The following NBEA variants were observed in gnomAD, a reference collection of about 807,000 sequenced individuals.
NBEA encodes the protein lysosomal-trafficking regulator 2.
Under a neutral mutation model 343.4 loss-of-function variants are expected in NBEA, and 44 were observed. The observed-to-expected ratio is 0.13, with a 90% confidence interval of 0.10 to 0.16. The LOEUF is 0.16. NBEA is among the 10% of genes least tolerant of loss of function. The pLI is 1.00. For missense variants in NBEA, 2,555 were observed against 3,631.3 expected, an observed-to-expected ratio of 0.70 and a Z score of 7.62; for synonymous variants, 1,175 against 1,238.7, an observed-to-expected ratio of 0.95 and a Z score of 1.08.
intron 39 of NBEA, among the ~76,000 whole-genome samples, chr13:35,441,353 T>C (rs1002702866): frequency 6.6e-6 from 1 of 152,224 alleles, no homozygotes; most frequent in African/African-American, 2.4e-5. Flanking sequence ...AAATTCTCCA[T>C]TGAAAATTCT....
rs1171545367 is a variant in NBEA at position 34,986,194 on chromosome 13, A to G, written c.294+43080A>G. On this transcript the variant is annotated intron_variant, in intron 1 of 58. Coordinates refer to ENST00000379939, the MANE Select transcript of NBEA (RefSeq NM_001385012.1). Reference sequence around the variant, plus strand: ...TTTAGTGCTATAAATTTCCCTCTACACACTGCTTTAAATGTGCCACTGAGA... The same window carrying G: ...TTTAGTGCTATAAATTTCCCTCTACGCACTGCTTTAAATGTGCCACTGAGA... 7.7e-4 allele frequency among the ~76,000 whole-genome samples: 113 copies of G among 147,526 alleles called. 5 individuals carry two copies. Among genetic ancestry groups the G allele is most frequent in the Admixed American group, 7.5e-3 (113 of 14,970 alleles).
Position 35,476,256 on chromosome 13 carries a change from G to A in NBEA, c.6585+3720G>A, listed in dbSNP as rs373340732. Reference sequence around the variant, plus strand: ...AAACGGGCCGCAACACTCAGAAATGGATCAAAAATGCCTTTCGGAAGTGCT... The same window carrying A: ...AAACGGGCCGCAACACTCAGAAATGAATCAAAAATGCCTTTCGGAAGTGCT... On this transcript the variant is annotated intron_variant, in intron 41 of 58. Coordinates refer to ENST00000379939, the MANE Select transcript of NBEA (RefSeq NM_001385012.1). 3.7e-5 allele frequency: 56 copies of A among 1,514,316 alleles called. 1 individual carries two copies. In the Middle Eastern group the frequency reaches 9.4e-4, roughly 25 times the overall value. 93.8% of individuals were successfully genotyped at this position (1,514,316 alleles called of 1,614,324 possible).
intron 11 of NBEA, among the ~76,000 whole-genome samples, chr13:35,103,072 T>G (rs1356229604): frequency 6.6e-6 from 1 of 151,832 alleles, no homozygotes; most frequent in Non-Finnish European, 1.5e-5. Flanking sequence ...AGAGTTTTCT[T>G]TATTATAAAC....
At position 35,110,966 on chromosome 13, in the gene NBEA, C is replaced by T; in HGVS notation, c.1990C>T (p.Pro664Ser). The T allele has an allele frequency of 6.2e-7, 1 of 1,607,896 alleles. No homozygotes were observed. The highest frequency in any genetic ancestry group is 8.5e-7 in the Non-Finnish European group (1 of 1,175,678). The change falls in exon 13 of 59, where the codon CCT becomes TCT. Residue 664 changes from proline to serine, a missense_variant. Physicochemically the swap from Pro to Ser is moderately conservative, Grantham distance 74 (BLOSUM62 -1). Coordinates refer to ENST00000379939, the MANE Select transcript of NBEA (RefSeq NM_001385012.1). Reference sequence around the variant, plus strand: ...TCCTGCTGACAGTAGTGGCATTACACCTAAAGGATTAGGTATGTATACCAC... The same window carrying T: ...TCCTGCTGACAGTAGTGGCATTACATCTAAAGGATTAGGTATGTATACCAC... ...INPADSSGIT[P>S]KGLDGPRPSQ...
At chr13:35,608,190 C>G (rs894397999) in intron 48 of NBEA, among the ~76,000 whole-genome samples, 6 of 151,794 alleles carry the variant, frequency 4.0e-5, no homozygotes, top group African/African-American at 1.5e-4. Context: ...GTGTTCTCCC[C>G]CCTTTTTTTT....
intron 36 of NBEA, among the ~76,000 whole-genome samples, chr13:35,319,239 C>A (rs542862590): frequency 6.6e-6 from 1 of 152,286 alleles, no homozygotes; most frequent in African/African-American, 2.4e-5. Context: ...GCATTTAGTG[C>A]TATAAATTTC....
At chr13:35,182,316 T>G in intron 28 of NBEA, 44 bp from the exon 29 acceptor site, 1 of 1,553,126 alleles carries the variant, frequency 6.4e-7, no homozygotes, top group Non-Finnish European at 8.7e-7. Context: ...GAACTTATAC[T>G]TCAAAAAGTT....
intron 41 of NBEA, among the ~76,000 whole-genome samples, chr13:35,536,433 A>G (rs1594909947): frequency 6.6e-6 from 1 of 152,078 alleles, no homozygotes. Flanking sequence ...TTTAATTTCA[A>G]TAGACTTTAC....
chr13:35,490,060 T>C (rs1043317184), intron 41 of NBEA, among the ~76,000 whole-genome samples: 2 of 151,908 alleles, frequency 1.3e-5, no homozygotes, highest in Admixed American at 6.6e-5. Context: ...TTTCCTGTTA[T>C]AACTGTTTCA....
intron 1 of NBEA, among the ~76,000 whole-genome samples, chr13:34,964,456 A>G (rs985110358): frequency 1.3e-5 from 2 of 152,024 alleles, no homozygotes; most frequent in African/African-American, 2.4e-5. Flanking sequence ...CTTTAGTCAT[A>G]ATAAACTACT....
intron 36 of NBEA, among the ~76,000 whole-genome samples, chr13:35,309,894 T>C (rs2037240493): frequency 6.6e-6 from 1 of 152,150 alleles, no homozygotes; most frequent in South Asian, 2.1e-4. Context: ...TGCAATCCCA[T>C]CTGCCACTCC....
chr13:35,604,578 C>T (rs1018098666), intron 47 of NBEA, among the ~76,000 whole-genome samples: 1 of 152,066 alleles, frequency 6.6e-6, no homozygotes, highest in Non-Finnish European at 1.5e-5. Flanking sequence ...CTTTGTCACC[C>T]AGTGTCTTGC....
intron 41 of NBEA, chr13:35,475,856 G>T (rs1185345453): frequency 6.2e-7 from 1 of 1,614,034 alleles, no homozygotes; most frequent in Non-Finnish European, 8.5e-7. Context: ...GCGCAGCCGG[G>T]CAGTGAGCCA....
At chr13:35,401,462 A>G (rs927289826) in intron 38 of NBEA, among the ~76,000 whole-genome samples, 2 of 152,106 alleles carry the variant, frequency 1.3e-5, no homozygotes, top group Admixed American at 6.6e-5. Flanking sequence ...GGAAATGTTG[A>G]GTACCCAAAC....
chr13:35,400,294 C>T (rs2042943926), intron 38 of NBEA, among the ~76,000 whole-genome samples: 1 of 149,370 alleles, frequency 6.7e-6, no homozygotes, highest in Non-Finnish European at 1.5e-5. Context: ...GCCAGCTGGA[C>T]TTGGTATATG....
At chr13:35,155,547 C>G in intron 18 of NBEA, among the ~76,000 whole-genome samples, 1 of 152,104 alleles carries the variant, frequency 6.6e-6, no homozygotes, top group Admixed American at 6.6e-5. Flanking sequence ...GTCACTTGAA[C>G]CCATGAGGTG....
intron 40 of NBEA, 66 bp from the exon 41 acceptor site, chr13:35,472,334 C>T (rs2075688416): frequency 5.8e-6 from 9 of 1,548,276 alleles, no homozygotes; most frequent in African/African-American, 1.4e-5. Flanking sequence ...CCTCTGGTAC[C>T]TTTCTGGGAG....
intron 17 of NBEA, among the ~76,000 whole-genome samples, chr13:35,141,294 A>C (rs1310999540): frequency 2.0e-5 from 3 of 152,008 alleles, no homozygotes; most frequent in African/African-American, 7.3e-5. Context: ...CTTGAGATGG[A>C]GTCTCACTCT....
intron 41 of NBEA, among the ~76,000 whole-genome samples, chr13:35,534,813 T>C (rs2078448858): frequency 1.3e-5 from 2 of 152,318 alleles, no homozygotes; most frequent in Non-Finnish European, 2.9e-5. Context: ...TCCTAGTACA[T>C]GCCGACTGAA....
Sources: allele counts gnomAD v4.1 joint callset (sites outside exome capture counted in the v4.1 genomes callset), GRCh38; gene constraint gnomAD v4.1.1; transcripts MANE v1.5; gene names NCBI Gene and HGNC (gene_info 2026-07-23, HGNC 2026-07-21).